Variants in WDFY2 observed in about 807,000 individuals in gnomAD.
WDFY2 encodes WD repeat and FYVE domain containing 2, also known as WD repeat and FYVE domain-containing protein 2.
In WDFY2, 36 loss-of-function variants were observed where a neutral mutation model predicts 56.4. That is an observed-to-expected ratio of 0.64 (90% CI 0.49 to 0.84). The LOEUF (loss-of-function observed/expected upper bound fraction) is 0.84, where lower values mean the gene tolerates loss of function less well. Ranked by LOEUF, WDFY2 falls within the 40% of genes least tolerant of loss-of-function variation. The pLI is 0.00. For missense variants in WDFY2, 444 were observed against 512.2 expected (o/e 0.87, Z 1.29); for synonymous variants, 176 against 183.7 (o/e 0.96, Z 0.34).
At chr13:51,688,739 G>T (rs982535215) in intron 3 of WDFY2, among the ~76,000 whole-genome samples, 1 of 152,148 alleles carries the variant, frequency 6.6e-6, no homozygotes, top group Non-Finnish European at 1.5e-5. Flanking sequence ...TAAATATTAT[G>T]ATGTTAGGTG....
intron 1 of WDFY2, chr13:51,590,018 G>A (rs1312693698): frequency 6.6e-6 from 1 of 152,182 alleles, no homozygotes; most frequent in East Asian, 1.9e-4. Context: ...CTATGGGAAA[G>A]CTTATTTGAG....
At position 51,751,368 on chromosome 13, in the gene WDFY2, G is replaced by A. The variant is rs139791232; in HGVS notation, c.784G>A (p.Gly262Ser). The change falls in exon 8 of 12, where the codon GGT becomes AGT. Residue 262 changes from glycine to serine, a missense_variant. Transcript: ENST00000298125. ...QHTRQLISCG[G>S]DGGIVVWNMD... is the part of the protein sequence containing the mutation. ...CACGCGACAATTGATCTCCTGTGGC[G>A]GTGATGGTGGGATTGTCGTCTGGAA... 107 of 1,614,052 alleles carry A rather than the reference G, an allele frequency of 6.6e-5. No homozygotes were observed. The highest frequency in any genetic ancestry group is 5.3e-4 in the South Asian group (48 of 91,080).
intron 6 of WDFY2, among the ~76,000 whole-genome samples, chr13:51,733,967 C>A (rs17532412): frequency 0.13 from 19,929 of 152,104 alleles, 1,509 homozygotes; most frequent in South Asian, 0.21. Flanking sequence ...GATGGAGGGC[C>A]TTTAGCTTGA....
At chr13:51,642,937 A>G (rs564588896) in intron 1 of WDFY2, among the ~76,000 whole-genome samples, 29 of 152,226 alleles carry the variant, frequency 1.9e-4, no homozygotes, top group African/African-American at 7.0e-4. Context: ...TGGCCTCCCA[A>G]AGTGCTGGGA....
At chr13:51,694,950 A>ACC (rs1403893228) in intron 3 of WDFY2, among the ~76,000 whole-genome samples, 1 of 152,062 alleles carries the variant, frequency 6.6e-6, no homozygotes, top group East Asian at 1.9e-4. Flanking sequence ...CATCACTGAT[A>ACC]CCCTTTCTTC....
At chr13:51,742,728 T>A (rs1159310566) in intron 7 of WDFY2, among the ~76,000 whole-genome samples, 19 of 152,226 alleles carry the variant, frequency 1.2e-4, no homozygotes, top group Admixed American at 1.2e-3. Flanking sequence ...GTAAAGATCT[T>A]TGCTATTCCT....
intron 1 of WDFY2, among the ~76,000 whole-genome samples, chr13:51,646,372 A>G (rs1376507797): frequency 6.6e-6 from 1 of 152,110 alleles, no homozygotes; most frequent in Non-Finnish European, 1.5e-5. Flanking sequence ...TTCAGACACC[A>G]TTATTTCTGA....
intron 4 of WDFY2, among the ~76,000 whole-genome samples, chr13:51,715,739 T>G (rs1443341270): frequency 6.6e-6 from 1 of 152,236 alleles, no homozygotes; most frequent in Non-Finnish European, 1.5e-5. Context: ...TTGTAGGTGC[T>G]GTACTTTAAA....
intron 3 of WDFY2, among the ~76,000 whole-genome samples, chr13:51,698,794 C>T (rs961028170): frequency 2.0e-5 from 3 of 152,078 alleles, no homozygotes; most frequent in Non-Finnish European, 4.4e-5. Flanking sequence ...CTCATAATGC[C>T]ATGGTTGTTT....
At chr13:51,744,145 C>A (rs1298814499) in intron 7 of WDFY2, among the ~76,000 whole-genome samples, 1 of 152,188 alleles carries the variant, frequency 6.6e-6, no homozygotes. Flanking sequence ...TGCTCACAGC[C>A]TTCTCTGGTC....
In WDFY2 at chr13:51,683,681, C is replaced by A. The variant is rs369137459; in HGVS notation, c.279+8438C>A. Among the ~76,000 whole-genome samples, 3 of 152,152 alleles carry A rather than the reference C, an allele frequency of 2.0e-5. No individual in the cohort carries two copies. The South Asian group carries it at 6.2e-4, about 32-fold the overall frequency. On this transcript the variant is annotated intron_variant, in intron 3 of 11. Coordinates refer to ENST00000298125, the MANE Select transcript of WDFY2 (RefSeq NM_052950.4). Reference sequence around the variant, plus strand: ...AGGAAGCACTCATTCTTTTATAGCCCCTGTGGTTGCGGAACTGCTGTCACC... The same window carrying A: ...AGGAAGCACTCATTCTTTTATAGCCACTGTGGTTGCGGAACTGCTGTCACC...
intron 1 of WDFY2, among the ~76,000 whole-genome samples, chr13:51,598,169 G>A (rs372092129): frequency 6.6e-6 from 1 of 152,052 alleles, no homozygotes; most frequent in African/African-American, 2.4e-5. Flanking sequence ...AGACCAGCCC[G>A]GCCAACATGG....
intron 1 of WDFY2, 138 bp downstream of exon 1, chr13:51,584,962 T>C: frequency 8.2e-7 from 1 of 1,217,656 alleles, no homozygotes; most frequent in Non-Finnish European, 1.1e-6. Context: ...CGCATCCTGG[T>C]GGTGCCGGTG....
chr13:51,665,686 A>G (rs562538536), intron 2 of WDFY2, among the ~76,000 whole-genome samples: 3 of 152,240 alleles, frequency 2.0e-5, no homozygotes, highest in East Asian at 1.9e-4. Context: ...CTCCCTGGGT[A>G]TGGAGAATAG....
intron 1 of WDFY2, among the ~76,000 whole-genome samples, chr13:51,624,259 T>C (rs1954797402): frequency 6.6e-6 from 1 of 152,196 alleles, no homozygotes; most frequent in African/African-American, 2.4e-5. Flanking sequence ...TCTTAACTGA[T>C]TATTTATAGT....
rs59572351 is a variant in WDFY2, at chr13:51,745,973, CTTTTTTTTT to C, written c.726-5324_726-5316del. 4.0e-5 allele frequency among the ~76,000 whole-genome samples: 4 copies of C among 100,760 alleles called. 1 individual carries two copies. Among genetic ancestry groups the C allele is most frequent in the East Asian group, 2.9e-4 (1 of 3,392 alleles). The allele number at this position is 100,760 out of a possible 152,430, so 66.1% of individuals were successfully genotyped here. On this transcript the variant is annotated intron_variant, in intron 7 of 11. Transcript: ENST00000298125. ...GACTTTTCTTTTTCTTTTTCTTTTTCTTTTTTTTTTTTTTTTTTTTTGAGACAGAGTCTC... is the reference window on the plus strand; with the variant it reads ...GACTTTTCTTTTTCTTTTTCTTTTTCTTTTTTTTTTTTGAGACAGAGTCTC...
At chr13:51,651,089 A>C (rs533325110) in intron 1 of WDFY2, among the ~76,000 whole-genome samples, 2 of 152,162 alleles carry the variant, frequency 1.3e-5, no homozygotes, top group African/African-American at 2.4e-5. Context: ...CCTCAATTTC[A>C]GAGCCTCTTA....
intron 1 of WDFY2, among the ~76,000 whole-genome samples, chr13:51,624,044 A>G (rs1954793144): frequency 6.6e-6 from 1 of 152,166 alleles, no homozygotes; most frequent in Non-Finnish European, 1.5e-5. Context: ...TTTTAAGATA[A>G]TAAAGGATGA....
At chr13:51,711,677 G>A (rs1952221397) in intron 4 of WDFY2, among the ~76,000 whole-genome samples, 1 of 152,146 alleles carries the variant, frequency 6.6e-6, no homozygotes, top group Non-Finnish European at 1.5e-5. Flanking sequence ...GCAGCCAACA[G>A]ACACATGAAA....
Sources: allele counts gnomAD v4.1 joint callset (sites outside exome capture counted in the v4.1 genomes callset), GRCh38; gene constraint gnomAD v4.1.1; transcripts MANE v1.5; gene names NCBI Gene and HGNC (gene_info 2026-07-23, HGNC 2026-07-21).